RAPGEF5: variants seen among roughly 807,000 people sequenced by gnomAD.
RAPGEF5 encodes Rap guanine nucleotide exchange factor 5.
In RAPGEF5, 65 loss-of-function variants were observed where a neutral mutation model predicts 125.2. That is an observed-to-expected ratio of 0.52 (90% CI 0.43 to 0.64). The LOEUF (loss-of-function observed/expected upper bound fraction) is 0.64. Ranked by LOEUF, RAPGEF5 falls within the 30% of genes least tolerant of loss-of-function variation. RAPGEF5 has a pLI of 0.00. For synonymous variants in RAPGEF5, 391 were observed against 385.9 expected (o/e 1.01, Z -0.16); for missense variants, 958 against 1,048.1 (o/e 0.91, Z 1.19).
intron 9 of RAPGEF5, among the ~76,000 whole-genome samples, chr7:22,195,731 A>C (rs1785133516): frequency 6.6e-6 from 1 of 152,120 alleles, no homozygotes; most frequent in Non-Finnish European, 1.5e-5. Flanking sequence ...AAAACCCCCC[A>C]AAAAACGAAA....
intron 6 of RAPGEF5, among the ~76,000 whole-genome samples, chr7:22,290,605 C>T (rs1487390719): frequency 1.3e-5 from 2 of 151,820 alleles, no homozygotes; most frequent in African/African-American, 4.8e-5. Context: ...ATTAGCCGGG[C>T]GTAGTGGCGG....
At chr7:22,315,545 T>C (rs917281202) in intron 2 of RAPGEF5, 69 bp from the exon 3 acceptor site, 112 of 651,454 alleles carry the variant, frequency 1.7e-4, no homozygotes, top group Non-Finnish European at 2.1e-4. Context: ...ACCAATAGCA[T>C]ACTATATATA....
At chr7:22,268,068 C>T (rs1252704536) in intron 6 of RAPGEF5, among the ~76,000 whole-genome samples, 2 of 152,198 alleles carry the variant, frequency 1.3e-5, no homozygotes, top group Non-Finnish European at 2.9e-5. Flanking sequence ...AGGGCATTAT[C>T]ACCCCTGCAG....
chr7:22,205,709 T>C (rs1033224552), intron 9 of RAPGEF5, among the ~76,000 whole-genome samples: 19 of 152,222 alleles, frequency 1.2e-4, no homozygotes, highest in Non-Finnish European at 2.1e-4. Flanking sequence ...CAGTAAGAGC[T>C]AGCATTTCCT....
chr7:22,258,683 G>T (rs1047513773), intron 7 of RAPGEF5, among the ~76,000 whole-genome samples: 1 of 138,198 alleles, frequency 7.2e-6, no homozygotes, highest in Non-Finnish European at 1.6e-5. Context: ...ACAGAATAGA[G>T]AGCCCATAAA....
At chr7:22,217,967 C>CT (rs563156556) in intron 9 of RAPGEF5, among the ~76,000 whole-genome samples, 13 of 148,972 alleles carry the variant, frequency 8.7e-5, no homozygotes, top group East Asian at 5.9e-4. Flanking sequence ...ATGTAGATTT[C>CT]TTTTTTTTTT....
intron 9 of RAPGEF5, among the ~76,000 whole-genome samples, chr7:22,218,632 T>A (rs7804311): frequency 6.6e-6 from 1 of 152,084 alleles, no homozygotes; most frequent in South Asian, 2.1e-4. Flanking sequence ...AAATTTAAGC[T>A]GCACACTAGG....
chr7:22,219,694 G>T (rs1348397778), intron 9 of RAPGEF5, among the ~76,000 whole-genome samples, 172 bp downstream of exon 9: 1 of 152,002 alleles, frequency 6.6e-6, no homozygotes, highest in Admixed American at 6.6e-5. Context: ...TAAGCCACTT[G>T]CTTAGAGCTA....
intron 1 of RAPGEF5, among the ~76,000 whole-genome samples, chr7:22,347,343 T>C (rs993237223): frequency 1.3e-5 from 2 of 152,334 alleles, no homozygotes; most frequent in Admixed American, 6.5e-5. Flanking sequence ...GTATACCCCA[T>C]GTTAAAGCTG....
chr7:22,247,792 C>T lies in RAPGEF5; in HGVS notation c.797-16873G>A, dbSNP rs1315438628. ...ATATATACCATGAAATACTATGCAGCCATAAAAATAATGAAATAATGTCCT... is the reference window on the plus strand; with the variant it reads ...ATATATACCATGAAATACTATGCAGTCATAAAAATAATGAAATAATGTCCT... On this transcript the variant is annotated intron_variant, in intron 7 of 25. Coordinates refer to ENST00000665637, the MANE Select transcript of RAPGEF5 (RefSeq NM_012294.5). 5.3e-5 allele frequency among the ~76,000 whole-genome samples: 8 copies of T among 151,998 alleles called. No individual in the cohort carries two copies. The South Asian group carries it at 1.7e-3, about 32-fold the overall frequency.
At chr7:22,202,933 A>T (rs766022423) in intron 9 of RAPGEF5, 1 of 361,888 alleles carries the variant, frequency 2.8e-6, no homozygotes, top group South Asian at 2.1e-5. Flanking sequence ...GCAGAAAAAT[A>T]TACAAACTAT....
Position 22,154,572 on chromosome 7 carries a change from A to AG in RAPGEF5, c.1668dup (p.Tyr557LeufsTer43). The AG allele has an allele frequency of 6.2e-7, 1 of 1,613,884 alleles. No homozygotes were observed. Among genetic ancestry groups the AG allele is most frequent in the Non-Finnish European group, 8.5e-7 (1 of 1,179,792 alleles). On this transcript the variant is annotated frameshift_variant, in exon 17 of 26. Transcript: ENST00000665637. LOFTEE classifies it high-confidence loss of function. Reference sequence around the variant, plus strand: ...GAAACTTTTGCCTTCACACTGACATAGGAGTGCTCTGTTATATACACGTGG... The same window carrying AG: ...GAAACTTTTGCCTTCACACTGACATAGGGAGTGCTCTGTTATATACACGTGG...
rs1273454773 is a variant in RAPGEF5 at position 22,140,127 on chromosome 7, AAG to A, written c.2187-14_2187-13del. 4 of 1,544,794 alleles carry A rather than the reference AAG, an allele frequency of 2.6e-6. No homozygotes were observed. Among genetic ancestry groups the A allele is most frequent in the East Asian group, 2.4e-5 (1 of 40,980 alleles). On this transcript the variant is annotated splice_polypyrimidine_tract_variant and intron_variant, in intron 20 of 25. Transcript: ENST00000665637. ...TCTGGGCTTTGCAGCTATAAAATAAAAGAGAGTAGAGGACACTTTGAGGAAAC... is the reference window on the plus strand; with the variant it reads ...TCTGGGCTTTGCAGCTATAAAATAAAAGAGTAGAGGACACTTTGAGGAAAC...
intron 7 of RAPGEF5, among the ~76,000 whole-genome samples, chr7:22,251,005 G>A (rs1264077185): frequency 2.6e-5 from 4 of 152,114 alleles, no homozygotes; most frequent in Admixed American, 2.6e-4. Context: ...AGAAGCCCAT[G>A]TTTTCCACAG....
At chr7:22,351,016 T>C (rs1315976729) in intron 1 of RAPGEF5, among the ~76,000 whole-genome samples, 1 of 152,240 alleles carries the variant, frequency 6.6e-6, no homozygotes, top group Non-Finnish European at 1.5e-5. Flanking sequence ...ATCTTCTGGC[T>C]GCCATAAGCA....
intron 1 of RAPGEF5, among the ~76,000 whole-genome samples, chr7:22,336,076 C>T (rs372853577): frequency 5.9e-5 from 9 of 152,262 alleles, no homozygotes; most frequent in African/African-American, 1.9e-4. Flanking sequence ...CTTCTTATTC[C>T]CAATGCCTCC....
chr7:22,254,059 G>A (rs969601382), intron 7 of RAPGEF5, among the ~76,000 whole-genome samples: 2 of 152,084 alleles, frequency 1.3e-5, no homozygotes, highest in Non-Finnish European at 2.9e-5. Flanking sequence ...TTGTGACAAA[G>A]CAATATGAAT....
chr7:22,355,477 A>G (rs1784404182), intron 1 of RAPGEF5, among the ~76,000 whole-genome samples: 1 of 152,146 alleles, frequency 6.6e-6, no homozygotes, highest in South Asian at 2.1e-4. Flanking sequence ...CTATAACTCC[A>G]GTTCTTGTTT....
chr7:22,199,933 A>C (rs1785240029), intron 9 of RAPGEF5, among the ~76,000 whole-genome samples: 1 of 152,182 alleles, frequency 6.6e-6, no homozygotes, highest in South Asian at 2.1e-4. Context: ...AGAACAAATG[A>C]AGACGATTCT....
Sources: allele counts gnomAD v4.1 joint callset (sites outside exome capture counted in the v4.1 genomes callset), GRCh38; gene constraint gnomAD v4.1.1; transcripts MANE v1.5; gene names NCBI Gene and HGNC (gene_info 2026-07-23, HGNC 2026-07-21).